Variants in EIF1AD observed in about 807,000 individuals in gnomAD.
The protein encoded by EIF1AD is eukaryotic translation initiation factor 1A domain containing.
A neutral mutation model predicts 21.7 loss-of-function variants in EIF1AD; 9 were observed. The ratio of observed to expected loss-of-function variants is 0.41; its 90% confidence interval spans 0.25 to 0.72. The LOEUF is 0.72. EIF1AD is among the 30% of genes least tolerant of loss of function. The probability of loss-of-function intolerance (pLI) is 0.29; values close to 1 mark genes in which losing one functional copy is unlikely to be tolerated. For synonymous variants in EIF1AD, 78 were observed against 70.9 expected, an observed-to-expected ratio of 1.10 and a Z score of -0.50; for missense variants, 164 against 199.7, an observed-to-expected ratio of 0.82 and a Z score of 1.08.
At position 65,998,121 on chromosome 11, in the gene EIF1AD, C is replaced by G. The variant is rs1855797093; in HGVS notation, c.*478G>C. 6.5e-6 allele frequency: 1 copy of G among 154,584 alleles called. No individual in the cohort carries two copies. Among genetic ancestry groups the G allele is most frequent in the African/African-American group, 2.4e-5 (1 of 41,368 alleles). 9.6% of individuals were successfully genotyped at this position (154,584 alleles called of 1,614,324 possible). ...AGGCACCATGGGCTCCTGAGCGTCT[C>G]TTAGAGGCAGGTGGGTGTTAGGTCC... On this transcript the variant is annotated 3_prime_UTR_variant, in exon 6 of 6. Coordinates refer to ENST00000533544, the MANE Select transcript of EIF1AD (RefSeq NM_001242481.2).
chr11:65,997,158 T>C lies in EIF1AD; in HGVS notation c.*1441A>G, dbSNP rs1216016529. 1.3e-5 allele frequency: 2 copies of C among 151,768 alleles called. No individual in the cohort carries two copies. The highest frequency in any genetic ancestry group is 4.8e-5 in the African/African-American group (2 of 41,288). The allele number at this position is 151,768 out of a possible 1,614,324, so 9.4% of individuals were successfully genotyped here. On this transcript the variant is annotated 3_prime_UTR_variant, in exon 6 of 6. Coordinates refer to ENST00000533544, the MANE Select transcript of EIF1AD (RefSeq NM_001242481.2). ...CCGGGCAACATGGCAAAACCCCGTC[T>C]CTACTAAAAATACAAAAAGTTAGCC...
chr11:66,000,846 G>A (rs560351324), intron 1 of EIF1AD: 12 of 165,292 alleles, frequency 7.3e-5, no homozygotes, highest in African/African-American at 7.2e-5. Flanking sequence ...ATTAACCCCT[G>A]ACCAAAACTA....
At position 65,997,107 on chromosome 11, in the gene EIF1AD, T is replaced by C. The variant is rs2134944752; in HGVS notation, c.*1492A>G. ...TTGGGAGGCTGAGGCAGGAGGCTCA[T>C]TTAAGGTCAGGAGTTCGAGACCAGC... On this transcript the variant is annotated 3_prime_UTR_variant, in exon 6 of 6. Transcript: ENST00000533544. 1 of 149,460 alleles carries C rather than the reference T, an allele frequency of 6.7e-6. No homozygotes were observed. Among genetic ancestry groups the C allele is most frequent in the African/African-American group, 2.5e-5 (1 of 40,530 alleles). 9.3% of individuals were successfully genotyped at this position (149,460 alleles called of 1,614,324 possible).
Position 66,000,027 on chromosome 11 carries a change from C to T in EIF1AD, c.196+26G>A, listed in dbSNP as rs1437647944. ...CTCCCATCTCAGCCTCTCAAAGTGC[C>T]AGGATTACAGGAGTAATCCTCTCAC... On this transcript the variant is annotated intron_variant, in intron 3 of 5. Transcript: ENST00000533544. The T allele has an allele frequency of 1.0e-5, 16 of 1,533,308 alleles. No homozygotes were observed. The East Asian group carries it at 2.5e-4, about 24-fold the overall frequency. 95.0% of individuals were successfully genotyped at this position (1,533,308 alleles called of 1,614,324 possible). A position where few individuals can be genotyped will look rare whatever the true frequency, so the allele number is the denominator to read the frequency against.
At chr11:66,000,615 C>G in intron 1 of EIF1AD, 110 bp from the exon 2 acceptor site, 1 of 553,636 alleles carries the variant, frequency 1.8e-6, no homozygotes, top group East Asian at 3.1e-5. Flanking sequence ...CTCTAGGTCC[C>G]AGAAAAATAA....
At chr11:66,000,271 G>A (rs1300022682) in intron 2 of EIF1AD, 32 bp downstream of exon 2, 99 of 1,612,862 alleles carry the variant, frequency 6.1e-5, no homozygotes, top group Non-Finnish European at 8.2e-5. Flanking sequence ...CAGGGGTGGG[G>A]AGCAGAACAG....
chr11:66,001,854 T>C (rs140382481), intron 1 of EIF1AD, 56 bp downstream of exon 1: 2 of 152,362 alleles, frequency 1.3e-5, no homozygotes, highest in African/African-American at 4.8e-5. Flanking sequence ...CTAGTTGCTG[T>C]CCTCCTTCCT....
Position 65,996,938 on chromosome 11 carries a change from C to T in EIF1AD, c.*1661G>A, listed in dbSNP as rs995540115. ...GGGCACAGTGGCTCACACCTGTAAT[C>T]CCAGCACTCTAGGAGGCCAAGGTGG... On this transcript the variant is annotated 3_prime_UTR_variant, in exon 6 of 6. Coordinates refer to ENST00000533544, the MANE Select transcript of EIF1AD (RefSeq NM_001242481.2). The T allele has an allele frequency of 6.6e-6, 1 of 152,278 alleles. No homozygotes were observed. Among genetic ancestry groups the T allele is most frequent in the Non-Finnish European group, 1.5e-5 (1 of 68,108 alleles). The allele number at this position is 152,278 out of a possible 1,614,324, so 9.4% of individuals were successfully genotyped here. A position where few individuals can be genotyped will look rare whatever the true frequency, so the allele number is the denominator to read the frequency against.
At chr11:66,000,202 T>C in intron 2 of EIF1AD, 41 bp from the exon 3 acceptor site, 2 of 1,607,058 alleles carry the variant, frequency 1.2e-6, no homozygotes, top group East Asian at 2.2e-5. Context: ...ATCAGTCAGA[T>C]CAAACACCCT....
chr11:66,000,149 G>C lies in EIF1AD; in HGVS notation c.100C>G (p.Pro34Ala). The C allele has an allele frequency of 1.2e-6, 2 of 1,613,986 alleles. No individual in the cohort carries two copies. The highest frequency in any genetic ancestry group is 1.7e-6 in the Non-Finnish European group (2 of 1,179,920). The change falls in exon 3 of 6, where the codon CCA (proline) becomes GCA (alanine). Residue 34 changes from proline to alanine, a missense_variant. Transcript: ENST00000533544. ...QQQIVRVLRT[P>A]GNNLHEVETA... ...TCCACCTCATGCAGATTGTTCCCTG[G>C]GGTCCTGAGTACCTGGTTCAGGAGA...
Position 65,998,399 on chromosome 11 carries a change from C to A in EIF1AD, c.*200G>T. 5.7e-6 allele frequency: 3 copies of A among 522,262 alleles called. No homozygotes were observed. The highest frequency in any genetic ancestry group is 1.9e-5 in the African/African-American group (1 of 51,568). 32.4% of individuals were successfully genotyped at this position (522,262 alleles called of 1,614,324 possible). ...TTTCACTTCATCACAATCTCCCTCC[C>A]CCGAGAGAGCCACTCAGACACCAGA... On this transcript the variant is annotated 3_prime_UTR_variant, in exon 6 of 6. Coordinates refer to ENST00000533544, the MANE Select transcript of EIF1AD (RefSeq NM_001242481.2).
In EIF1AD at chr11:65,998,051, C is replaced by T. The variant is rs1855793755; in HGVS notation, c.*548G>A. The T allele has an allele frequency of 6.6e-6, 1 of 152,546 alleles. No homozygotes were observed. The allele number at this position is 152,546 out of a possible 1,614,324, so 9.4% of individuals were successfully genotyped here. Reference sequence around the variant, plus strand: ...GATGGACACAGTAGCTGGAGGTGAGCACTCCCGTACACAGGGTGACTAGAA... The same window carrying T: ...GATGGACACAGTAGCTGGAGGTGAGTACTCCCGTACACAGGGTGACTAGAA... On this transcript the variant is annotated 3_prime_UTR_variant, in exon 6 of 6. Coordinates refer to ENST00000533544, the MANE Select transcript of EIF1AD (RefSeq NM_001242481.2).
At position 65,998,391 on chromosome 11, in the gene EIF1AD, C is replaced by A; in HGVS notation, c.*208G>T. ...GAGCAGTTTTTCACTTCATCACAAT[C>A]TCCCTCCCCCGAGAGAGCCACTCAG... On this transcript the variant is annotated 3_prime_UTR_variant, in exon 6 of 6. Coordinates refer to ENST00000533544, the MANE Select transcript of EIF1AD (RefSeq NM_001242481.2). 3 of 416,752 alleles carry A rather than the reference C, an allele frequency of 7.2e-6. No individual in the cohort carries two copies. Among genetic ancestry groups the A allele is most frequent in the Non-Finnish European group, 8.3e-6 (2 of 242,150 alleles). The allele number at this position is 416,752 out of a possible 1,614,324, so 25.8% of individuals were successfully genotyped here.
At chr11:66,001,210 A>G (rs1220114637) in intron 1 of EIF1AD, among the ~76,000 whole-genome samples, 1 of 152,172 alleles carries the variant, frequency 6.6e-6, no homozygotes, top group African/African-American at 2.4e-5. Flanking sequence ...GCGGTGGCTC[A>G]CGCCTGTAAT....
intron 5 of EIF1AD, 83 bp from the exon 6 acceptor site, chr11:65,998,826 C>G (rs1280972081): frequency 6.6e-7 from 1 of 1,507,214 alleles, no homozygotes. Context: ...AAAAAAAGGA[C>G]CATCCGGCCC....
chr11:66,000,409 G>A lies in EIF1AD; in HGVS notation c.-20C>T. 1 of 1,586,184 alleles carries A rather than the reference G, an allele frequency of 6.3e-7. No individual in the cohort carries two copies. The highest frequency in any genetic ancestry group is 8.6e-7 in the Non-Finnish European group (1 of 1,165,456). Reference sequence around the variant, plus strand: ...AGACATGCTGAAGTCGTCCCACACTGGTTAGGAACGAAGAGACTGTCAACT... The same window carrying A: ...AGACATGCTGAAGTCGTCCCACACTAGTTAGGAACGAAGAGACTGTCAACT... On this transcript the variant is annotated 5_prime_UTR_variant, in exon 2 of 6. Coordinates refer to ENST00000533544, the MANE Select transcript of EIF1AD (RefSeq NM_001242481.2).
Position 65,999,678 on chromosome 11 carries a change from G to A in EIF1AD, c.197-3C>T. 2 of 1,608,544 alleles carry A rather than the reference G, an allele frequency of 1.2e-6. No individual in the cohort carries two copies. Among genetic ancestry groups the A allele is most frequent in the Non-Finnish European group, 1.7e-6 (2 of 1,175,146 alleles). ...GGGGTCAACAATGAGAAAGTCCCCT[G>A]TAGATAAGAAGAGAAAAGGCAAAGT... On this transcript the variant is annotated splice_polypyrimidine_tract_variant and splice_region_variant and intron_variant, in intron 3 of 5. Coordinates refer to ENST00000533544, the MANE Select transcript of EIF1AD (RefSeq NM_001242481.2).
intron 4 of EIF1AD, 27 bp downstream of exon 4, chr11:65,999,540 C>G (rs1241529417): frequency 6.3e-7 from 1 of 1,599,826 alleles, no homozygotes; most frequent in Non-Finnish European, 8.6e-7. Flanking sequence ...AGAAGCCAGA[C>G]AGCCAATGAT....
At position 65,998,749 on chromosome 11, in the gene EIF1AD, C is replaced by G. The variant is rs200996471; in HGVS notation, c.354-6G>C. ...GGAGTTCTGGTTGAGTTTGTCTGCA[C>G]GAAGGGAAGAGAGCAGGGTTAGCCC... On this transcript the variant is annotated splice_polypyrimidine_tract_variant and splice_region_variant and intron_variant, in intron 5 of 5. Coordinates refer to ENST00000533544, the MANE Select transcript of EIF1AD (RefSeq NM_001242481.2). 4 of 1,613,796 alleles carry G rather than the reference C, an allele frequency of 2.5e-6. No homozygotes were observed. Among genetic ancestry groups the G allele is most frequent in the South Asian group, 2.2e-5 (2 of 91,044 alleles).
Sources: allele counts gnomAD v4.1 joint callset (sites outside exome capture counted in the v4.1 genomes callset), GRCh38; gene constraint gnomAD v4.1.1; transcripts MANE v1.5; gene names NCBI Gene and HGNC (gene_info 2026-07-23, HGNC 2026-07-21).